B3GAT2: variants seen among roughly 807,000 people sequenced by gnomAD.
B3GAT2 encodes the protein beta-1,3-glucuronyltransferase 2, also known as galactosylgalactosylxylosylprotein 3-beta-glucuronosyltransferase 2.
In B3GAT2, 26 loss-of-function variants were observed where a neutral mutation model predicts 27.8. That is an observed-to-expected ratio of 0.93 (90% CI 0.68 to 1.30). The LOEUF is 1.30. B3GAT2 is among the 50% of genes most tolerant of loss of function. The pLI, the probability that B3GAT2 is intolerant of heterozygous loss-of-function variation, is 0.00. For synonymous variants in B3GAT2, 218 were observed against 195.1 expected, an observed-to-expected ratio of 1.12 and a Z score of -0.98; for missense variants, 458 against 459.0, an observed-to-expected ratio of 1.00 and a Z score of 0.02.
In B3GAT2 at chr6:70,859,515, A is replaced by T; in HGVS notation, c.*2148T>A. On this transcript the variant is annotated 3_prime_UTR_variant, in exon 4 of 4. Coordinates refer to ENST00000230053, the MANE Select transcript of B3GAT2 (RefSeq NM_080742.3). ...ACTGTAAATAAGTCAAGTCAAATGT[A>T]TTAAATTAAGAACACAGTCTAACTC... The T allele has an allele frequency of 1.3e-6, 1 of 753,868 alleles. No individual in the cohort carries two copies. Among genetic ancestry groups the T allele is most frequent in the Non-Finnish European group, 2.1e-6 (1 of 472,664 alleles). 46.7% of individuals were successfully genotyped at this position (753,868 alleles called of 1,614,324 possible).
At chr6:70,951,264 T>C (rs561851236) in intron 1 of B3GAT2, among the ~76,000 whole-genome samples, 5 of 152,282 alleles carry the variant, frequency 3.3e-5, no homozygotes, top group East Asian at 1.9e-4. Context: ...AATAAGACCA[T>C]TGACTTTGGA....
chr6:70,926,536 C>T (rs1325873671), intron 1 of B3GAT2, among the ~76,000 whole-genome samples: 4 of 152,126 alleles, frequency 2.6e-5, no homozygotes, highest in Non-Finnish European at 5.9e-5. Context: ...AATGCACAAG[C>T]TTCAGTAGCT....
chr6:70,888,829 C>CCCA (rs1014622460), intron 2 of B3GAT2, among the ~76,000 whole-genome samples: 5 of 152,248 alleles, frequency 3.3e-5, no homozygotes, highest in African/African-American at 1.2e-4. Context: ...CCTACCCTGG[C>CCCA]CTGGGCCTAG....
chr6:70,910,634 G>C (rs986579219), intron 1 of B3GAT2, among the ~76,000 whole-genome samples: 1 of 152,124 alleles, frequency 6.6e-6, no homozygotes, highest in Admixed American at 6.6e-5. Context: ...TGCGATGAAC[G>C]TGTGTGTGCA....
chr6:70,913,667 G>A (rs1295139063), intron 1 of B3GAT2, among the ~76,000 whole-genome samples: 1 of 152,242 alleles, frequency 6.6e-6, no homozygotes, highest in Admixed American at 6.5e-5. Flanking sequence ...TGAGAAGAAT[G>A]TATATTCTGT....
At chr6:70,935,960 A>G (rs796588569) in intron 1 of B3GAT2, among the ~76,000 whole-genome samples, 2 of 151,298 alleles carry the variant, frequency 1.3e-5, no homozygotes, top group African/African-American at 4.9e-5. Context: ...AGACTGGCAA[A>G]TTGGATAAAG....
chr6:70,863,507 AG>A (rs1418380049), intron 2 of B3GAT2, among the ~76,000 whole-genome samples: 1 of 152,202 alleles, frequency 6.6e-6, no homozygotes, highest in Non-Finnish European at 1.5e-5. Context: ...AAAGGGAGGG[AG>A]GTGGCACATT....
At chr6:70,937,018 A>G (rs1001707413) in intron 1 of B3GAT2, among the ~76,000 whole-genome samples, 8 of 152,186 alleles carry the variant, frequency 5.3e-5, no homozygotes, top group African/African-American at 1.9e-4. Context: ...AAGACTAATA[A>G]AGAAGAAAAG....
In B3GAT2 at chr6:70,860,335, A is replaced by G; in HGVS notation, c.*1328T>C. On this transcript the variant is annotated 3_prime_UTR_variant, in exon 4 of 4. Coordinates refer to ENST00000230053, the MANE Select transcript of B3GAT2 (RefSeq NM_080742.3). Reference sequence around the variant, plus strand: ...TCTCAGCACACAACTGTGGAAATGAAAACTGCAATACAAGTTTCATCCAGA... The same window carrying G: ...TCTCAGCACACAACTGTGGAAATGAGAACTGCAATACAAGTTTCATCCAGA... 6.2e-7 allele frequency: 1 copy of G among 1,605,562 alleles called. No homozygotes were observed. Among genetic ancestry groups the G allele is most frequent in the Non-Finnish European group, 8.5e-7 (1 of 1,177,186 alleles).
At chr6:70,886,181 G>C (rs958896714) in intron 2 of B3GAT2, among the ~76,000 whole-genome samples, 4 of 152,204 alleles carry the variant, frequency 2.6e-5, no homozygotes, top group Admixed American at 6.5e-5. Context: ...TGACTTGGCT[G>C]TAGGTGGGTG....
chr6:70,907,424 T>C (rs549210248), intron 1 of B3GAT2, among the ~76,000 whole-genome samples: 1 of 152,146 alleles, frequency 6.6e-6, no homozygotes, highest in Non-Finnish European at 1.5e-5. Flanking sequence ...GTGGAGAGCA[T>C]TGGAAAGACT....
In B3GAT2 at chr6:70,923,797, G is replaced by A. The variant is rs549034773; in HGVS notation, c.592-29525C>T. Among the ~76,000 whole-genome samples the A allele has an allele frequency of 1.1e-4, 17 of 152,250 alleles. No homozygotes were observed. The South Asian group carries it at 3.3e-3, about 30-fold the overall frequency. On this transcript the variant is annotated intron_variant, in intron 1 of 3. Coordinates refer to ENST00000230053, the MANE Select transcript of B3GAT2 (RefSeq NM_080742.3). Reference sequence around the variant, plus strand: ...TTTTGTGAAATGTATAACACTTTCTGTGTAGTAATTTAAAAGTACTGAATG... The same window carrying A: ...TTTTGTGAAATGTATAACACTTTCTATGTAGTAATTTAAAAGTACTGAATG...
chr6:70,946,706 G>A (rs542844518), intron 1 of B3GAT2, among the ~76,000 whole-genome samples: 1 of 152,210 alleles, frequency 6.6e-6, no homozygotes, highest in Non-Finnish European at 1.5e-5. Context: ...CACAGGAATT[G>A]AACTCAGCTC....
At chr6:70,947,884 G>A (rs1370201103) in intron 1 of B3GAT2, among the ~76,000 whole-genome samples, 1 of 152,092 alleles carries the variant, frequency 6.6e-6, no homozygotes, top group East Asian at 1.9e-4. Flanking sequence ...TACTCACCAT[G>A]ATCAAGTGGA....
chr6:70,935,263 T>C lies in B3GAT2; in HGVS notation c.591+20576A>G, dbSNP rs1773125216. On this transcript the variant is annotated intron_variant, in intron 1 of 3. Coordinates refer to ENST00000230053, the MANE Select transcript of B3GAT2 (RefSeq NM_080742.3). The stretch of plus-strand genomic sequence containing the variant: ...GAGCTTGAGACCAGCCAGGGAAACA[T>C]AGGAGGACCCTGTCTCTACCAAAAA... Among the ~76,000 whole-genome samples, 6 of 151,858 alleles carry C rather than the reference T, an allele frequency of 4.0e-5. No homozygotes were observed. The South Asian group carries it at 1.2e-3, about 32-fold the overall frequency.
intron 2 of B3GAT2, among the ~76,000 whole-genome samples, chr6:70,877,025 G>A (rs1361377881): frequency 1.3e-5 from 2 of 152,224 alleles, no homozygotes; most frequent in African/African-American, 2.4e-5. Flanking sequence ...TGGGTGACAA[G>A]GCTGTCAAGT....
intron 2 of B3GAT2, among the ~76,000 whole-genome samples, chr6:70,865,790 G>A (rs1457422648): frequency 6.6e-6 from 1 of 152,120 alleles, no homozygotes; most frequent in Non-Finnish European, 1.5e-5. Flanking sequence ...TAACAAAAAG[G>A]CAGACAAAAT....
intron 2 of B3GAT2, among the ~76,000 whole-genome samples, chr6:70,866,779 G>C (rs1771858171): frequency 6.6e-6 from 1 of 152,076 alleles, no homozygotes; most frequent in South Asian, 2.1e-4. Context: ...GAAAACTCAG[G>C]AAAGATATGT....
At chr6:70,895,181 C>A (rs1474599913) in intron 1 of B3GAT2, among the ~76,000 whole-genome samples, 1 of 152,120 alleles carries the variant, frequency 6.6e-6, no homozygotes, top group African/African-American at 2.4e-5. Context: ...GCTGGGTGTG[C>A]CTTGGACGAG....
Sources: gnomAD v4.1 joint callset for allele counts (sites outside exome capture counted in the v4.1 genomes callset) on GRCh38, gnomAD v4.1.1 for gene constraint, MANE v1.5 for transcripts, NCBI Gene and HGNC (gene_info 2026-07-23, HGNC 2026-07-21) for gene names.